Variants in MCTS1 observed in about 807,000 individuals in gnomAD.
MCTS1 encodes MCTS1 re-initiation and release factor.
For missense variants in MCTS1, 55 were observed against 128.6 expected, an observed-to-expected ratio of 0.43 and a Z score of 2.77; for synonymous variants, 26 against 40.8, an observed-to-expected ratio of 0.64 and a Z score of 1.38.
chrX:120,610,933 CATT>C (rs1926671007), intron 4 of MCTS1, 75 bp from the exon 5 acceptor site: 1 of 1,052,400 alleles, frequency 9.5e-7, no homozygotes, highest in East Asian at 3.0e-5. Context: ...GTAACATGAT[CATT>C]ATTTGACACC....
rs987556850 is a variant in MCTS1, at chrX:120,605,972, T to C, written c.165-107T>C. 1.7e-5 allele frequency: 8 copies of C among 464,109 alleles called. No homozygotes were observed. In the South Asian group the frequency reaches 2.1e-4, roughly 12 times the overall value. 38.2% of individuals were successfully genotyped at this position (464,109 alleles called of 1,213,427 possible). A position where few individuals can be genotyped will look rare whatever the true frequency, so the allele number is the denominator to read the frequency against. ...TGTAAACAATATTTTTTGGCCAGGA[T>C]TTTTACTGACTTTTTAAGAAAGTTT... On this transcript the variant is annotated intron_variant, in intron 2 of 5. Coordinates refer to ENST00000371317, the MANE Select transcript of MCTS1 (RefSeq NM_014060.3).
At chrX:120,604,776 G>A in intron 1 of MCTS1, 2 of 1,122,560 alleles carry the variant, frequency 1.8e-6, no homozygotes, top group Non-Finnish European at 2.3e-6. Context: ...TTCAGTGTAA[G>A]GAAGACAAAA....
rs199727780 is a variant in MCTS1 at position 120,612,683 on chromosome X, GTGTA to G, written c.*423_*426del. Among the ~76,000 whole-genome samples, 28 of 31,469 alleles carry G rather than the reference GTGTA, an allele frequency of 8.9e-4. No individual in the cohort carries two copies. Among genetic ancestry groups the G allele is most frequent in the African/African-American group, 4.0e-3 (21 of 5,223 alleles). 27.3% of individuals were successfully genotyped at this position (31,469 alleles called of 115,157 possible). On this transcript the variant is annotated 3_prime_UTR_variant, in exon 6 of 6. Coordinates refer to ENST00000371317, the MANE Select transcript of MCTS1 (RefSeq NM_014060.3). ...CTCGTGTGTGTGTGTGTGTGTGTGT[GTGTA>G]TGTGTGTGTGTGTGTGTGTGTGTGT...
At chrX:120,608,974 G>A (rs1049250070) in intron 4 of MCTS1, among the ~76,000 whole-genome samples, 29 of 111,776 alleles carry the variant, frequency 2.6e-4, no homozygotes, top group Admixed American at 2.6e-3. Context: ...CTTAAAGATC[G>A]ATTCAACTCA....
intron 5 of MCTS1, 25 bp from the exon 6 acceptor site, chrX:120,612,152 GTATGTT>G (rs1485345353): frequency 3.0e-6 from 3 of 1,015,797 alleles, no homozygotes; most frequent in Non-Finnish European, 4.1e-6. Flanking sequence ...ATGCATAAAA[GTATGTT>G]TATGTGTTTT....
At chrX:120,606,049 A>G in intron 2 of MCTS1, 30 bp from the exon 3 acceptor site, 2 of 881,138 alleles carry the variant, frequency 2.3e-6, no homozygotes, top group Non-Finnish European at 3.2e-6. Context: ...AAAATATCTA[A>G]CTTGGTACTT....
At position 120,615,644 on chromosome X, in the gene MCTS1, TA is replaced by T. The variant is rs933256718; in HGVS notation, c.*3390del. 5.7e-4 allele frequency among the ~76,000 whole-genome samples: 62 copies of T among 108,210 alleles called. No homozygotes were observed. The highest frequency in any genetic ancestry group is 1.9e-3 in the African/African-American group (56 of 29,928). The allele number at this position is 108,210 out of a possible 115,157, so 94.0% of individuals were successfully genotyped here. A position where few individuals can be genotyped will look rare whatever the true frequency, so the allele number is the denominator to read the frequency against. On this transcript the variant is annotated 3_prime_UTR_variant, in exon 6 of 6. Coordinates refer to ENST00000371317, the MANE Select transcript of MCTS1 (RefSeq NM_014060.3). ...CCATAGATTGTATCCAATGTGAGGG[TA>T]AAAAAAAAATCCCAGATGTCTTGGA... is the stretch of plus-strand genomic sequence containing the variant.
Position 120,613,438 on chromosome X carries a change from T to C in MCTS1, c.*1174T>C, listed in dbSNP as rs1262774463. Among the ~76,000 whole-genome samples the C allele has an allele frequency of 8.9e-6, 1 of 112,421 alleles. No homozygotes were observed. Among genetic ancestry groups the C allele is most frequent in the Admixed American group, 9.4e-5 (1 of 10,588 alleles). On this transcript the variant is annotated 3_prime_UTR_variant, in exon 6 of 6. Coordinates refer to ENST00000371317, the MANE Select transcript of MCTS1 (RefSeq NM_014060.3). ...TCTTAATATGATCAACTGTCTAGACTGTTAATTCTCTTTAACTGTTGGTTT... is the reference window on the plus strand; with the variant it reads ...TCTTAATATGATCAACTGTCTAGACCGTTAATTCTCTTTAACTGTTGGTTT...
At chrX:120,611,329 G>A (rs1315998508) in intron 5 of MCTS1, 1 of 253,219 alleles carries the variant, frequency 3.9e-6, no homozygotes, top group Non-Finnish European at 7.0e-6. Flanking sequence ...GTGTGTACGT[G>A]GTACTTTAGG....
chrX:120,606,436 G>T (rs1486981814), intron 3 of MCTS1, among the ~76,000 whole-genome samples: 1 of 112,475 alleles, frequency 8.9e-6, no homozygotes, highest in African/African-American at 3.2e-5. Flanking sequence ...GAAAAATGCA[G>T]ATTCTCTCAT....
chrX:120,605,224 T>G (rs1443522823), intron 1 of MCTS1, among the ~76,000 whole-genome samples, 183 bp from the exon 2 acceptor site: 1 of 111,936 alleles, frequency 8.9e-6, no homozygotes, highest in Non-Finnish European at 1.9e-5. Context: ...TATTAAGACA[T>G]TGGTTTTGTG....
At position 120,618,339 on chromosome X, in the gene MCTS1, A is replaced by T. The variant is rs1380478853; in HGVS notation, c.*6075A>T. Among the ~76,000 whole-genome samples the T allele has an allele frequency of 1.8e-5, 2 of 112,082 alleles. No homozygotes were observed. Among genetic ancestry groups the T allele is most frequent in the African/African-American group, 6.5e-5 (2 of 30,869 alleles). On this transcript the variant is annotated 3_prime_UTR_variant, in exon 6 of 6. Coordinates refer to ENST00000371317, the MANE Select transcript of MCTS1 (RefSeq NM_014060.3). ...CTGGATACTGTTTTCATTAGTTCTA[A>T]TGCTGCTGCATGCAAATTTTGTTTA...
chrX:120,616,869 T>G lies in MCTS1; in HGVS notation c.*4605T>G, dbSNP rs892178082. ...ACATGCCTCACTATTAATGTCCAAT[T>G]CTAATTAATGGATTGTTTTAGAAAT... On this transcript the variant is annotated 3_prime_UTR_variant, in exon 6 of 6. Transcript: ENST00000371317. Among the ~76,000 whole-genome samples, 4 of 112,489 alleles carry G rather than the reference T, an allele frequency of 3.6e-5. No homozygotes were observed. The highest frequency in any genetic ancestry group is 5.6e-5 in the Non-Finnish European group (3 of 53,336).
At chrX:120,604,600 C>T in intron 1 of MCTS1, 1 of 865,774 alleles carries the variant, frequency 1.2e-6, no homozygotes, top group Non-Finnish European at 1.5e-6. Context: ...GAGCCCTGCG[C>T]TCACTGCCAT....
chrX:120,608,436 A>C (rs113936050), intron 4 of MCTS1, 78 bp downstream of exon 4: 6 of 987,973 alleles, frequency 6.1e-6, no homozygotes, highest in Admixed American at 6.3e-5. Context: ...GTACCATCCA[A>C]GAGAACATTA....
At chrX:120,604,969 AG>A (rs1244384074) in intron 1 of MCTS1, 4 of 877,752 alleles carry the variant, frequency 4.6e-6, no homozygotes, top group Non-Finnish European at 6.0e-6. Flanking sequence ...ATAGCCTAGC[AG>A]GGGCCGATTT....
At chrX:120,607,630 CATT>C (rs2147372924) in intron 3 of MCTS1, among the ~76,000 whole-genome samples, 1 of 111,696 alleles carries the variant, frequency 9.0e-6, no homozygotes, top group Admixed American at 9.6e-5. Context: ...AGCATTGATA[CATT>C]ATTATTAACG....
At position 120,608,372 on chromosome X, in the gene MCTS1, G is replaced by T; in HGVS notation, c.396+14G>T. On this transcript the variant is annotated intron_variant, in intron 4 of 5. Coordinates refer to ENST00000371317, the MANE Select transcript of MCTS1 (RefSeq NM_014060.3). Reference sequence around the variant, plus strand: ...GATACCATTGTTGTATCCTTCCCAGGCTAAAACTGCTGAAAAATGTATTCA... The same window carrying T: ...GATACCATTGTTGTATCCTTCCCAGTCTAAAACTGCTGAAAAATGTATTCA... The T allele has an allele frequency of 8.6e-7, 1 of 1,161,990 alleles. No homozygotes were observed. Among genetic ancestry groups the T allele is most frequent in the Non-Finnish European group, 1.2e-6 (1 of 867,042 alleles).
rs1926698094 is a variant in MCTS1, at chrX:120,612,045, TG to T, written c.465-137del. The T allele has an allele frequency of 8.3e-6, 4 of 484,659 alleles. No homozygotes were observed. In the East Asian group the frequency reaches 1.6e-4, roughly 19 times the overall value. The allele number at this position is 484,659 out of a possible 1,213,427, so 39.9% of individuals were successfully genotyped here. ...TAATGTAGTTTAATATAAACAACAA[TG>T]TAATTGTGATGTCAATAAGTTCTTT... is the stretch of plus-strand genomic sequence containing the variant. On this transcript the variant is annotated intron_variant, in intron 5 of 5. Coordinates refer to ENST00000371317, the MANE Select transcript of MCTS1 (RefSeq NM_014060.3).
Sources: allele counts gnomAD v4.1 joint callset (sites outside exome capture counted in the v4.1 genomes callset), GRCh38; gene constraint gnomAD v4.1.1; transcripts MANE v1.5; gene names NCBI Gene and HGNC (gene_info 2026-07-23, HGNC 2026-07-21).